Variants in ATRNL1 observed in about 807,000 individuals in gnomAD.
The protein encoded by ATRNL1 is attractin like 1.
In ATRNL1, 95 loss-of-function variants were observed where a neutral mutation model predicts 182.7. The ratio of observed to expected loss-of-function variants is 0.52; its 90% CI spans 0.44 to 0.62. ATRNL1 has a LOEUF of 0.62. ATRNL1 is among the 20% of genes least tolerant of loss of function. ATRNL1 has a pLI of 0.00. For synonymous variants in ATRNL1, 576 were observed against 568.3 expected, an observed-to-expected ratio of 1.01 and a Z score of -0.19; for missense variants, 1,471 against 1,679.5, an observed-to-expected ratio of 0.88 and a Z score of 2.17.
chr10:115,934,837 C>T (rs1252843331), intron 28 of ATRNL1, among the ~76,000 whole-genome samples: 1 of 152,154 alleles, frequency 6.6e-6, no homozygotes, highest in Non-Finnish European at 1.5e-5. Flanking sequence ...ACTTTATGGA[C>T]CCTTTGCTGC....
At chr10:115,909,840 CAGAA>C (rs1952620524) in intron 28 of ATRNL1, among the ~76,000 whole-genome samples, 1 of 151,978 alleles carries the variant, frequency 6.6e-6, no homozygotes, top group African/African-American at 2.4e-5. Flanking sequence ...GATTCCTAGC[CAGAA>C]GGCTAGGAAT....
At chr10:115,770,106 T>C (rs1948951002) in intron 27 of ATRNL1, among the ~76,000 whole-genome samples, 2 of 152,036 alleles carry the variant, frequency 1.3e-5, no homozygotes, top group Admixed American at 6.6e-5. Flanking sequence ...TCAGAAAACC[T>C]GGGTCTAGGT....
intron 21 of ATRNL1, among the ~76,000 whole-genome samples, chr10:115,430,725 C>A (rs1328692233): frequency 6.6e-6 from 1 of 151,560 alleles, no homozygotes; most frequent in East Asian, 1.9e-4. Context: ...CATATAAAAT[C>A]CCAAATTTTG....
chr10:115,103,695 A>G (rs1554865221), intron 1 of ATRNL1, among the ~76,000 whole-genome samples: 1 of 152,066 alleles, frequency 6.6e-6, no homozygotes, highest in Non-Finnish European at 1.5e-5. Flanking sequence ...CCCCACTCCA[A>G]TACCTTTCCC....
At chr10:115,327,522 G>A (rs1444286709) in intron 18 of ATRNL1, among the ~76,000 whole-genome samples, 5 of 148,688 alleles carry the variant, frequency 3.4e-5, no homozygotes, top group Admixed American at 3.3e-4. Context: ...GTGGAAGTCA[G>A]TGTGGCGATT....
intron 8 of ATRNL1, among the ~76,000 whole-genome samples, chr10:115,176,897 A>G (rs1554886807): frequency 1.3e-5 from 2 of 152,132 alleles, no homozygotes; most frequent in Non-Finnish European, 2.9e-5. Flanking sequence ...AAAGTGCCAT[A>G]TTCTTACTGG....
intron 20 of ATRNL1, among the ~76,000 whole-genome samples, chr10:115,425,229 G>A (rs1845830382): frequency 6.6e-6 from 1 of 151,442 alleles, no homozygotes; most frequent in Non-Finnish European, 1.5e-5. Context: ...CTGTTCTTAT[G>A]AATGCTTCTG....
intron 24 of ATRNL1, among the ~76,000 whole-genome samples, chr10:115,498,843 C>G (rs1195751274): frequency 1.3e-5 from 2 of 151,884 alleles, no homozygotes; most frequent in African/African-American, 4.8e-5. Context: ...TACTCTTAGA[C>G]TGTTGGAAAT....
Position 115,797,324 on chromosome 10 carries a change from C to T in ATRNL1, c.3904-50553C>T, listed in dbSNP as rs74158285. On this transcript the variant is annotated intron_variant, in intron 27 of 28. Transcript: ENST00000355044. ...AAATATGACACCTTTTCCTTTCTTC[C>T]GTGGTCTCTCTCCTGGCCTTTCGAA... 8.8e-3 allele frequency among the ~76,000 whole-genome samples: 1,334 copies of T among 152,196 alleles called. 21 individuals are homozygous for T. The highest frequency in any genetic ancestry group is 0.029 in the African/African-American group (1,212 of 41,522).
intron 19 of ATRNL1, among the ~76,000 whole-genome samples, chr10:115,355,031 T>C (rs1856440946): frequency 6.6e-6 from 1 of 152,148 alleles, no homozygotes; most frequent in East Asian, 1.9e-4. Flanking sequence ...TCAGTGTCTT[T>C]GTTAAATTTC....
At position 115,094,123 on chromosome 10, in the gene ATRNL1, C is replaced by T. The variant is rs570652609; in HGVS notation, c.293+80C>T. On this transcript the variant is annotated intron_variant, in intron 1 of 28. Coordinates refer to ENST00000355044, the MANE Select transcript of ATRNL1 (RefSeq NM_207303.4). The stretch of plus-strand genomic sequence containing the variant: ...CCTTCCCCGCCCCCCTCGCGGCCTC[C>T]CCCGCCCCCGTCGCTGCCTCTGATC... 117 of 1,254,586 alleles carry T rather than the reference C, an allele frequency of 9.3e-5. No individual in the cohort carries two copies. In the African/African-American group the frequency reaches 1.7e-3, roughly 19 times the overall value. 77.7% of individuals were successfully genotyped at this position (1,254,586 alleles called of 1,614,324 possible).
At chr10:115,759,501 G>A (rs1162136571) in intron 27 of ATRNL1, among the ~76,000 whole-genome samples, 1 of 151,944 alleles carries the variant, frequency 6.6e-6, no homozygotes, top group Non-Finnish European at 1.5e-5. Context: ...AGTGACCAGG[G>A]GACATTAGTG....
chr10:115,472,123 T>C (rs999838438), intron 24 of ATRNL1, among the ~76,000 whole-genome samples: 1 of 151,036 alleles, frequency 6.6e-6, no homozygotes, highest in Admixed American at 6.6e-5. Flanking sequence ...CTTTACTATT[T>C]ATTCCTGGCA....
chr10:115,304,929 T>C (rs1853652556), intron 17 of ATRNL1, among the ~76,000 whole-genome samples: 1 of 152,156 alleles, frequency 6.6e-6, no homozygotes, highest in African/African-American at 2.4e-5. Context: ...AGAAACACTT[T>C]TGGAGGTGTT....
intron 24 of ATRNL1, among the ~76,000 whole-genome samples, chr10:115,512,186 A>G (rs1381094298): frequency 2.6e-5 from 4 of 151,984 alleles, no homozygotes; most frequent in Non-Finnish European, 5.9e-5. Flanking sequence ...TAATTAGAAC[A>G]TAATAGATTT....
chr10:115,808,929 G>C (rs1469883092), intron 27 of ATRNL1, among the ~76,000 whole-genome samples: 3 of 152,038 alleles, frequency 2.0e-5, no homozygotes, highest in Non-Finnish European at 4.4e-5. Flanking sequence ...AGGTAACAAG[G>C]ATTTTCTTAT....
intron 24 of ATRNL1, 47 bp from the exon 25 acceptor site, chr10:115,519,216 T>G: frequency 6.8e-7 from 1 of 1,477,408 alleles, no homozygotes; most frequent in South Asian, 1.2e-5. Context: ...TCACCACAGG[T>G]TTTAGAGAAG....
In ATRNL1 at chr10:115,816,615, G is replaced by GAC. The variant is rs35920402; in HGVS notation, c.3904-31239_3904-31238dup. On this transcript the variant is annotated intron_variant, in intron 27 of 28. Transcript: ENST00000355044. ...AGACACACTTATAAGGACACACACAGACACACACACACACACACACACACG... is the reference window on the plus strand; with the variant it reads ...AGACACACTTATAAGGACACACACAGACACACACACACACACACACACACACG... Among the ~76,000 whole-genome samples the GAC allele has an allele frequency of 3.6e-3, 535 of 150,240 alleles. 8 individuals are homozygous for GAC. Among genetic ancestry groups the GAC allele is most frequent in the South Asian group, 0.024 (115 of 4,752 alleles).
chr10:115,811,810 TTTAA>T (rs2134258351), intron 27 of ATRNL1, among the ~76,000 whole-genome samples: 1 of 152,044 alleles, frequency 6.6e-6, no homozygotes, highest in South Asian at 2.1e-4. Flanking sequence ...GCTTTCTTTC[TTTAA>T]TTAAACATTT....
Sources: allele counts gnomAD v4.1 joint callset (sites outside exome capture counted in the v4.1 genomes callset), GRCh38; gene constraint gnomAD v4.1.1; transcripts MANE v1.5; gene names NCBI Gene and HGNC (gene_info 2026-07-23, HGNC 2026-07-21).